The following ABLIM1 variants were observed in gnomAD, a reference collection of about 807,000 sequenced individuals.
The protein encoded by ABLIM1 is actin-binding LIM protein 1.
A neutral mutation model predicts 107.0 loss-of-function variants in ABLIM1; 40 were observed. That is an observed-to-expected ratio of 0.37 (90% confidence interval 0.29 to 0.49). The LOEUF is 0.49. Ranked by LOEUF, ABLIM1 falls within the 20% of genes least tolerant of loss-of-function variation. The pLI is 0.97. For missense variants in ABLIM1, 857 were observed against 1,008.5 expected, an observed-to-expected ratio of 0.85 and a Z score of 2.04; for synonymous variants, 357 against 357.3, an observed-to-expected ratio of 1.00 and a Z score of 0.01.
chr10:114,699,123 AT>A (rs2081257314), intron 1 of ABLIM1, among the ~76,000 whole-genome samples: 1 of 151,096 alleles, frequency 6.6e-6, no homozygotes, highest in Admixed American at 6.6e-5. Flanking sequence ...AAAAAAAAGA[AT>A]TGGAATTAAA....
intron 20 of ABLIM1, chr10:114,439,589 CTTCTT>C (rs2059911699): frequency 2.5e-6 from 1 of 403,176 alleles, no homozygotes; most frequent in Non-Finnish European, 4.5e-6. Flanking sequence ...ATGCATTTTT[CTTCTT>C]TTCTTATTCT....
At chr10:114,644,897 T>C (rs1217940745) in intron 1 of ABLIM1, among the ~76,000 whole-genome samples, 1 of 152,150 alleles carries the variant, frequency 6.6e-6, no homozygotes, top group African/African-American at 2.4e-5. Context: ...GGGCCTCCCC[T>C]CAAACTAAAC....
At chr10:114,681,582 G>C (rs1197722918) in intron 1 of ABLIM1, among the ~76,000 whole-genome samples, 1 of 151,964 alleles carries the variant, frequency 6.6e-6, no homozygotes, top group African/African-American at 2.4e-5. Flanking sequence ...CAAGAGCACT[G>C]TGTATACTAC....
chr10:114,641,558 C>G (rs2078753976), intron 1 of ABLIM1, among the ~76,000 whole-genome samples: 1 of 152,100 alleles, frequency 6.6e-6, no homozygotes. Flanking sequence ...TGAAGAAAAG[C>G]AAGGCCAGGG....
chr10:114,718,656 C>T (rs919874846), intron 1 of ABLIM1, among the ~76,000 whole-genome samples: 26 of 152,106 alleles, frequency 1.7e-4, no homozygotes, highest in Non-Finnish European at 3.8e-4. Context: ...TAATTAAATC[C>T]CTTGCAGTTT....
intron 4 of ABLIM1, among the ~76,000 whole-genome samples, chr10:114,558,455 C>T (rs1182086343): frequency 6.6e-6 from 1 of 152,118 alleles, no homozygotes; most frequent in Non-Finnish European, 1.5e-5. Flanking sequence ...ATGACGTTCG[C>T]AGGATGGCTC....
upstream of ABLIM1, among the ~76,000 whole-genome samples, chr10:114,689,425 G>C (rs1201612049): frequency 1.4e-5 from 2 of 143,630 alleles, no homozygotes; most frequent in Non-Finnish European, 3.0e-5. Flanking sequence ...GCAGTGGCTC[G>C]ATCTCGGCTC....
intron 6 of ABLIM1, among the ~76,000 whole-genome samples, chr10:114,533,832 A>G (rs1457997646): frequency 6.6e-6 from 1 of 152,140 alleles, no homozygotes; most frequent in Non-Finnish European, 1.5e-5. Flanking sequence ...CCTCACCAAC[A>G]CATCCAGCTA....
At chr10:114,493,742 C>G (rs890993849) in intron 6 of ABLIM1, among the ~76,000 whole-genome samples, 1 of 152,152 alleles carries the variant, frequency 6.6e-6, no homozygotes, top group African/African-American at 2.4e-5. Context: ...AATTATGGAA[C>G]TTAACTGATG....
chr10:114,541,636 T>G (rs1214068400), intron 6 of ABLIM1, among the ~76,000 whole-genome samples: 1 of 152,170 alleles, frequency 6.6e-6, no homozygotes, highest in African/African-American at 2.4e-5. Context: ...AGGCTGAACA[T>G]GGTGCAAACT....
chr10:114,684,512 C>T, exon 1 of ABLIM1: 1 of 1,420,140 alleles, frequency 7.0e-7, no homozygotes, highest in Non-Finnish European at 9.2e-7. Context: ...GTGGGTGTGC[C>T]ACAGCCAGCG....
chr10:114,795,132 A>G, the ABLIM1 span, among the ~76,000 whole-genome samples: 1 of 152,222 alleles, frequency 6.6e-6, no homozygotes, highest in East Asian at 1.9e-4. Context: ...GACCCAGATT[A>G]TAAATCAAAG....
chr10:114,630,972 C>T (rs2140709975), intron 1 of ABLIM1, among the ~76,000 whole-genome samples: 1 of 152,292 alleles, frequency 6.6e-6, no homozygotes, highest in East Asian at 1.9e-4. Context: ...GTCTCTAATT[C>T]TGGTCTAGAA....
At chr10:114,647,164 T>C (rs112574293) in intron 1 of ABLIM1, among the ~76,000 whole-genome samples, 7,888 of 151,976 alleles carry the variant, frequency 0.052, 646 homozygotes, top group African/African-American at 0.17. Context: ...CCCAGCTCAT[T>C]TTTTTGTATT....
rs190626993 is a variant in ABLIM1, at chr10:114,451,603, G to A, written c.1594+21C>T. On this transcript the variant is annotated intron_variant, in intron 14 of 22. Transcript: ENST00000533213. ...GCTGACTTTGCTATTTAAAAGCTACGCGGAGGAAAGCGGGTTTTACCATGC... is the reference window on the plus strand; with the variant it reads ...GCTGACTTTGCTATTTAAAAGCTACACGGAGGAAAGCGGGTTTTACCATGC... The A allele has an allele frequency of 5.0e-5, 80 of 1,605,142 alleles. No homozygotes were observed. In the Admixed American group the frequency reaches 5.7e-4, roughly 11 times the overall value.
At chr10:114,559,722 A>G (rs562881623) in intron 4 of ABLIM1, among the ~76,000 whole-genome samples, 2 of 152,368 alleles carry the variant, frequency 1.3e-5, no homozygotes, top group African/African-American at 2.4e-5. Context: ...AGGACTTTGT[A>G]TCTTTTTGCA....
At chr10:114,443,107 C>T (rs2060435429) in intron 17 of ABLIM1, among the ~76,000 whole-genome samples, 1 of 152,040 alleles carries the variant, frequency 6.6e-6, no homozygotes, top group South Asian at 2.1e-4. Flanking sequence ...CCACTAAATG[C>T]ATTTTTAAAG....
At chr10:114,600,917 T>C (rs1413188134) in intron 2 of ABLIM1, among the ~76,000 whole-genome samples, 1 of 152,144 alleles carries the variant, frequency 6.6e-6, no homozygotes, top group African/African-American at 2.4e-5. Context: ...CATACAAAGA[T>C]GCCAATCTTT....
intron 6 of ABLIM1, among the ~76,000 whole-genome samples, chr10:114,509,153 G>A (rs986036397): frequency 2.0e-5 from 3 of 152,186 alleles, no homozygotes; most frequent in Non-Finnish European, 4.4e-5. Context: ...CGCACACCCT[G>A]GAGCTACCCA....
Sources: allele counts gnomAD v4.1 joint callset (sites outside exome capture counted in the v4.1 genomes callset), GRCh38; gene constraint gnomAD v4.1.1; transcripts MANE v1.5; gene names NCBI Gene and HGNC (gene_info 2026-07-23, HGNC 2026-07-21).